LRBA: variants seen among roughly 807,000 people sequenced by gnomAD.
LRBA encodes the protein LPS responsive beige-like anchor protein, also known as lipopolysaccharide-responsive and beige-like anchor protein.
Under a neutral mutation model 330.0 loss-of-function variants are expected in LRBA, and 176 were observed. That is an observed-to-expected ratio of 0.53 (90% confidence interval 0.47 to 0.60). The LOEUF (loss-of-function observed/expected upper bound fraction) is 0.60, where lower values mean the gene tolerates loss of function less well. LRBA is among the 20% of genes least tolerant of loss of function. The probability of loss-of-function intolerance (pLI) is 0.00; values close to 1 mark genes in which losing one functional copy is unlikely to be tolerated. For synonymous variants in LRBA, 1,230 were observed against 1,193.0 expected (o/e 1.03, Z -0.64); for missense variants, 3,259 against 3,444.8 (o/e 0.95, Z 1.35).
At chr4:150,414,782 C>T (rs567726475) in intron 47 of LRBA, among the ~76,000 whole-genome samples, 31 of 152,288 alleles carry the variant, frequency 2.0e-4, no homozygotes, top group African/African-American at 7.0e-4. Flanking sequence ...CGAGCCACCG[C>T]ACCCGGCCAA....
At chr4:150,832,292 G>A (rs962085768) in intron 28 of LRBA, among the ~76,000 whole-genome samples, 10 of 152,028 alleles carry the variant, frequency 6.6e-5, no homozygotes, top group Non-Finnish European at 1.5e-4. Context: ...CAAACAAACA[G>A]TAATTATAAT....
At chr4:150,420,381 AT>A (rs1478007654) in intron 46 of LRBA, among the ~76,000 whole-genome samples, 2 of 132,002 alleles carry the variant, frequency 1.5e-5, no homozygotes, top group South Asian at 2.3e-4. Context: ...TATAATACAC[AT>A]TATAGTATAT....
rs201730113 is a variant in LRBA at position 150,743,130 on chromosome 4, C to T, written c.5646-7764G>A. Among the ~76,000 whole-genome samples the T allele has an allele frequency of 7.9e-5, 12 of 152,142 alleles. No individual in the cohort carries two copies. The East Asian group carries it at 9.7e-4, about 12-fold the overall frequency. On this transcript the variant is annotated intron_variant, in intron 35 of 56. Transcript: ENST00000651943. The stretch of plus-strand genomic sequence containing the variant: ...TTACAGGTACATGAGTCACCACCCC[C>T]GGCTAATTTTTGTATTTTTAGTAGA...
intron 40 of LRBA, among the ~76,000 whole-genome samples, chr4:150,544,500 C>A (rs78682258): frequency 6.6e-6 from 1 of 152,164 alleles, no homozygotes; most frequent in African/African-American, 2.4e-5. Flanking sequence ...CTTCAAATGT[C>A]GTTTCCTCAA....
chr4:150,779,564 T>C (rs1180530275), intron 34 of LRBA, among the ~76,000 whole-genome samples: 1 of 152,008 alleles, frequency 6.6e-6, no homozygotes, highest in Admixed American at 6.6e-5. Context: ...ACATAAAAAG[T>C]ATATTTTCTA....
At chr4:150,828,715 T>C in intron 29 of LRBA, 94 bp from the exon 30 acceptor site, 1 of 1,096,466 alleles carries the variant, frequency 9.1e-7, no homozygotes, top group Non-Finnish European at 1.3e-6. Flanking sequence ...ATCTACTGTT[T>C]TGAATTATGA....
At chr4:150,661,780 TA>T (rs1488921209) in intron 37 of LRBA, among the ~76,000 whole-genome samples, 2 of 151,634 alleles carry the variant, frequency 1.3e-5, no homozygotes, top group Non-Finnish European at 2.9e-5. Flanking sequence ...CTAGTTAATT[TA>T]TTTTTTTATT....
intron 46 of LRBA, among the ~76,000 whole-genome samples, chr4:150,427,625 T>C (rs759383038): frequency 2.0e-5 from 3 of 152,006 alleles, no homozygotes; most frequent in Non-Finnish European, 4.4e-5. Flanking sequence ...AGCACTTAAG[T>C]TGAAAATGTG....
intron 2 of LRBA, among the ~76,000 whole-genome samples, chr4:150,973,340 T>C (rs747154340): frequency 1.6e-4 from 25 of 152,272 alleles, no homozygotes; most frequent in Non-Finnish European, 3.1e-4. Context: ...GCTAATTTTG[T>C]ATTTTTAGTA....
At chr4:150,281,818 T>C (rs1258644082) in intron 55 of LRBA, among the ~76,000 whole-genome samples, 1 of 152,224 alleles carries the variant, frequency 6.6e-6, no homozygotes, top group Non-Finnish European at 1.5e-5. Context: ...ACTCTTTTTC[T>C]CAATGTCTAA....
Position 150,599,102 on chromosome 4 carries a change from T to A in LRBA, c.5951A>T (p.Tyr1984Phe). 4 of 1,614,010 alleles carry A rather than the reference T, an allele frequency of 2.5e-6. No homozygotes were observed. The highest frequency in any genetic ancestry group is 3.4e-6 in the Non-Finnish European group (4 of 1,179,948). ...CCGGCGCCGCAAGTCATCTTCCCAG[T>A]AGTCAAGGCGCCAGAACTCAAGAGG... is the stretch of plus-strand genomic sequence containing the variant. ...SRPLEFWRLD[Y>F]WEDDLRRRRR... is the part of the protein sequence containing the mutation. The change falls in exon 38 of 57, where the codon TAC (tyrosine) becomes TTC (phenylalanine). Residue 1984 changes from tyrosine (Y) to phenylalanine (F), a missense_variant. By Grantham distance (22) the Tyr-to-Phe change is conservative (BLOSUM62 3). Coordinates refer to ENST00000651943, the MANE Select transcript of LRBA (RefSeq NM_001364905.1).
At chr4:150,320,377 T>A (rs960535367) in intron 50 of LRBA, among the ~76,000 whole-genome samples, 2 of 152,066 alleles carry the variant, frequency 1.3e-5, no homozygotes, top group African/African-American at 4.8e-5. Flanking sequence ...GAACAGAAGG[T>A]ACTTACAGAT....
chr4:150,499,945 G>A (rs760440406), intron 40 of LRBA, among the ~76,000 whole-genome samples: 2 of 151,786 alleles, frequency 1.3e-5, no homozygotes, highest in Non-Finnish European at 2.9e-5. Flanking sequence ...AAAGTGAGGT[G>A]GGAAGCAAGG....
intron 2 of LRBA, among the ~76,000 whole-genome samples, chr4:150,932,529 T>C (rs1388294871): frequency 6.6e-6 from 1 of 152,068 alleles, no homozygotes; most frequent in African/African-American, 2.4e-5. Flanking sequence ...TAACAACATA[T>C]AAAAATAATA....
intron 40 of LRBA, among the ~76,000 whole-genome samples, chr4:150,499,146 T>C (rs1265758663): frequency 6.6e-6 from 1 of 152,198 alleles, no homozygotes; most frequent in Non-Finnish European, 1.5e-5. Context: ...AAAATAATTT[T>C]TGCACCTTTA....
chr4:150,651,186 A>G (rs1306067193), intron 37 of LRBA, among the ~76,000 whole-genome samples: 2 of 152,212 alleles, frequency 1.3e-5, no homozygotes, highest in Admixed American at 6.5e-5. Flanking sequence ...ATAATAAAAT[A>G]TCAAATTCAA....
chr4:150,982,945 C>T (rs1042918055), intron 2 of LRBA, among the ~76,000 whole-genome samples: 2 of 152,096 alleles, frequency 1.3e-5, no homozygotes, highest in African/African-American at 4.8e-5. Context: ...CAAATTATTT[C>T]CTAGGAATTA....
chr4:150,541,349 A>C (rs1765301432), intron 40 of LRBA, among the ~76,000 whole-genome samples: 1 of 152,166 alleles, frequency 6.6e-6, no homozygotes, highest in African/African-American at 2.4e-5. Context: ...TCCTAGCTTC[A>C]AGGAAAGCTG....
At chr4:150,900,338 T>C in intron 13 of LRBA, 121 bp from the exon 14 acceptor site, 1 of 629,806 alleles carries the variant, frequency 1.6e-6, no homozygotes, top group Non-Finnish European at 2.7e-6. Flanking sequence ...CTGAGCCTGA[T>C]AATAATATCC....
Sources: gnomAD v4.1 joint callset for allele counts (sites outside exome capture counted in the v4.1 genomes callset) on GRCh38, gnomAD v4.1.1 for gene constraint, MANE v1.5 for transcripts, NCBI Gene and HGNC (gene_info 2026-07-23, HGNC 2026-07-21) for gene names.